ADAMTSL3: variants seen among roughly 807,000 people sequenced by gnomAD.
The protein encoded by ADAMTSL3 is ADAMTS-like protein 3.
A neutral mutation model predicts 201.7 loss-of-function variants in ADAMTSL3; 128 were observed. The observed-to-expected ratio is 0.63, with a 90% CI of 0.55 to 0.73. The LOEUF is 0.73. Ranked by LOEUF, ADAMTSL3 falls within the 30% of genes least tolerant of loss-of-function variation. The probability of loss-of-function intolerance (pLI) is 0.00; values close to 1 mark genes in which losing one functional copy is unlikely to be tolerated. For missense variants in ADAMTSL3, 1,990 were observed against 2,119.6 expected, an observed-to-expected ratio of 0.94 and a Z score of 1.20; for synonymous variants, 738 against 748.4, an observed-to-expected ratio of 0.99 and a Z score of 0.23.
At chr15:83,737,741 T>C (rs759323203) in intron 3 of ADAMTSL3, among the ~76,000 whole-genome samples, 60 of 152,286 alleles carry the variant, frequency 3.9e-4, no homozygotes, top group South Asian at 6.2e-4. Context: ...AGAGTATCAA[T>C]TGGGATGAAA....
At chr15:83,712,087 C>G (rs1168992856) in intron 3 of ADAMTSL3, among the ~76,000 whole-genome samples, 3 of 152,176 alleles carry the variant, frequency 2.0e-5, no homozygotes, top group African/African-American at 7.2e-5. Flanking sequence ...TCCCTACTCA[C>G]ATATCCTCAC....
At chr15:83,743,507 G>C in intron 3 of ADAMTSL3, among the ~76,000 whole-genome samples, 1 of 129,624 alleles carries the variant, frequency 7.7e-6, no homozygotes, top group East Asian at 2.3e-4. Context: ...GAGACAGAGC[G>C]AGACTCCGTC....
intron 2 of ADAMTSL3, among the ~76,000 whole-genome samples, chr15:83,685,131 T>C (rs1183383714): frequency 2.6e-5 from 4 of 152,214 alleles, no homozygotes; most frequent in African/African-American, 9.6e-5. Context: ...GGCGTTTGCC[T>C]TTCTACTTCT....
chr15:83,915,304 C>T (rs1168794674), intron 16 of ADAMTSL3, among the ~76,000 whole-genome samples: 1 of 152,150 alleles, frequency 6.6e-6, no homozygotes, highest in Non-Finnish European at 1.5e-5. Flanking sequence ...GTACTTGGAA[C>T]TCAGCAGACC....
intron 24 of ADAMTSL3, 115 bp downstream of exon 24, chr15:84,014,839 C>T: frequency 9.6e-7 from 1 of 1,045,878 alleles, no homozygotes. Context: ...ATGGTTTTAA[C>T]CATTGCTGCC....
chr15:83,959,714 A>C (rs1326366364), intron 19 of ADAMTSL3, among the ~76,000 whole-genome samples: 8 of 152,230 alleles, frequency 5.3e-5, no homozygotes, highest in Non-Finnish European at 1.2e-4. Context: ...CGAGATGTCT[A>C]TAGAGGAAAC....
At chr15:83,766,207 G>A (rs2062887246) in intron 3 of ADAMTSL3, among the ~76,000 whole-genome samples, 1 of 152,104 alleles carries the variant, frequency 6.6e-6, no homozygotes, top group Non-Finnish European at 1.5e-5. Flanking sequence ...GACAACCAAA[G>A]GTTGCCATTG....
intron 3 of ADAMTSL3, among the ~76,000 whole-genome samples, chr15:83,758,660 A>T (rs2062759263): frequency 6.6e-6 from 1 of 152,102 alleles, no homozygotes; most frequent in African/African-American, 2.4e-5. Flanking sequence ...ATGATTAGTG[A>T]TATTGAACAC....
chr15:83,925,303 GT>G (rs373767985), intron 17 of ADAMTSL3, among the ~76,000 whole-genome samples: 4 of 152,296 alleles, frequency 2.6e-5, no homozygotes, highest in African/African-American at 9.6e-5. Context: ...AGGATACAGT[GT>G]TTTGTATCCA....
At chr15:83,751,221 G>T (rs2062631812) in intron 3 of ADAMTSL3, among the ~76,000 whole-genome samples, 1 of 152,204 alleles carries the variant, frequency 6.6e-6, no homozygotes, top group Non-Finnish European at 1.5e-5. Flanking sequence ...TTAACAATGT[G>T]AGGATGAATT....
chr15:84,025,128 A>T, intron 26 of ADAMTSL3, 110 bp from the exon 27 acceptor site: 1 of 869,076 alleles, frequency 1.2e-6, no homozygotes, highest in Non-Finnish European at 1.7e-6. Flanking sequence ...GAGACATGTG[A>T]CAGCCTAAGA....
chr15:83,898,234 A>G (rs2065655336), intron 14 of ADAMTSL3, among the ~76,000 whole-genome samples: 1 of 152,152 alleles, frequency 6.6e-6, no homozygotes, highest in Non-Finnish European at 1.5e-5. Flanking sequence ...GCTCCTATCT[A>G]TCTAGTTTTA....
chr15:83,791,508 G>A (rs973141858), intron 4 of ADAMTSL3, among the ~76,000 whole-genome samples: 1 of 152,106 alleles, frequency 6.6e-6, no homozygotes, highest in African/African-American at 2.4e-5. Context: ...AATAAATGGT[G>A]TTGGGAAAAC....
chr15:83,726,299 A>G (rs1490868679), intron 3 of ADAMTSL3, among the ~76,000 whole-genome samples: 2 of 151,976 alleles, frequency 1.3e-5, no homozygotes, highest in South Asian at 2.1e-4. Context: ...TTTGTGTGTT[A>G]TCTTTAGTTT....
At chr15:83,674,055 T>G (rs1313116793) in intron 2 of ADAMTSL3, among the ~76,000 whole-genome samples, 1 of 150,536 alleles carries the variant, frequency 6.6e-6, no homozygotes, top group Non-Finnish European at 1.5e-5. Flanking sequence ...TTTTTATGTT[T>G]TTTTTTTTTT....
At chr15:83,791,014 AG>A (rs2063335415) in intron 4 of ADAMTSL3, among the ~76,000 whole-genome samples, 1 of 152,236 alleles carries the variant, frequency 6.6e-6, no homozygotes, top group South Asian at 2.1e-4. Context: ...TAAAATACCT[AG>A]GAATACATTT....
chr15:83,721,726 G>A (rs893251502), intron 3 of ADAMTSL3, among the ~76,000 whole-genome samples: 1 of 152,020 alleles, frequency 6.6e-6, no homozygotes, highest in Non-Finnish European at 1.5e-5. Flanking sequence ...GCATATTTAT[G>A]TGTTTTGTTT....
At chr15:83,764,254 A>C (rs552501057) in intron 3 of ADAMTSL3, among the ~76,000 whole-genome samples, 1 of 151,614 alleles carries the variant, frequency 6.6e-6, no homozygotes, top group Non-Finnish European at 1.5e-5. Flanking sequence ...CCTTACCCAC[A>C]CTCCTGCCAG....
chr15:83,833,433 C>A (rs1323339204), intron 6 of ADAMTSL3, among the ~76,000 whole-genome samples: 1 of 152,022 alleles, frequency 6.6e-6, no homozygotes, highest in African/African-American at 2.4e-5. Context: ...GAGGTCTCTA[C>A]CCTCATGACC....
Sources: gnomAD v4.1 joint callset for allele counts (sites outside exome capture counted in the v4.1 genomes callset) on GRCh38, gnomAD v4.1.1 for gene constraint, MANE v1.5 for transcripts, NCBI Gene and HGNC (gene_info 2026-07-23, HGNC 2026-07-21) for gene names.